The following FOXN3 variants were observed in gnomAD, a reference collection of about 807,000 sequenced individuals.
FOXN3 encodes the protein forkhead box protein N3.
In FOXN3, 7 loss-of-function variants were observed where a neutral mutation model predicts 38.4. The observed-to-expected ratio is 0.18, with a 90% CI of 0.10 to 0.34. The LOEUF (loss-of-function observed/expected upper bound fraction) is 0.34. Among genes scored for constraint, FOXN3 ranks in the 10% least tolerant of loss-of-function variants. The probability of loss-of-function intolerance (pLI) is 1.00; values close to 1 mark genes in which losing one functional copy is unlikely to be tolerated. For synonymous variants in FOXN3, 230 were observed against 242.2 expected, an observed-to-expected ratio of 0.95 and a Z score of 0.47; for missense variants, 456 against 613.4, an observed-to-expected ratio of 0.74 and a Z score of 2.71.
In FOXN3 at chr14:89,171,849, T is replaced by C. The variant is rs539701849; in HGVS notation, c.851+8852A>G. Among the ~76,000 whole-genome samples, 3 of 152,260 alleles carry C rather than the reference T, an allele frequency of 2.0e-5. No homozygotes were observed. The South Asian group carries it at 6.2e-4, about 32-fold the overall frequency. The stretch of plus-strand genomic sequence containing the variant: ...AATAACACAAAGATGCCTGTTATCA[T>C]AACTTCTATTCAGAGGTCCTGGACT... On this transcript the variant is annotated intron_variant, in intron 5 of 5. Transcript: ENST00000557258.
chr14:89,265,833 T>C (rs1031587868), intron 4 of FOXN3, among the ~76,000 whole-genome samples: 4 of 152,182 alleles, frequency 2.6e-5, no homozygotes, highest in African/African-American at 9.7e-5. Flanking sequence ...TCTCGGGGCA[T>C]ACGGTGATGT....
chr14:89,337,230 G>A (rs1190362014), intron 3 of FOXN3, among the ~76,000 whole-genome samples: 1 of 152,204 alleles, frequency 6.6e-6, no homozygotes, highest in East Asian at 1.9e-4. Context: ...GAGAAGGATA[G>A]CATTTGGGTG....
intron 4 of FOXN3, among the ~76,000 whole-genome samples, chr14:89,280,079 C>T (rs1596150007): frequency 6.6e-6 from 1 of 152,204 alleles, no homozygotes; most frequent in South Asian, 2.1e-4. Context: ...AACTCATCCA[C>T]ATTTGGCCAG....
chr14:89,364,186 G>C (rs756954167), intron 2 of FOXN3, among the ~76,000 whole-genome samples: 1 of 149,666 alleles, frequency 6.7e-6, no homozygotes, highest in Non-Finnish European at 1.5e-5. Context: ...TGATTACAAA[G>C]AATTTTTTTC....
chr14:89,332,745 A>G (rs570011204), intron 3 of FOXN3, among the ~76,000 whole-genome samples: 1 of 152,344 alleles, frequency 6.6e-6, no homozygotes, highest in East Asian at 1.9e-4. Context: ...CAAAGGAAAT[A>G]GTCTACAAAA....
At chr14:89,364,353 GTTTTGTTTTTGTTT>G (rs1444429622) in intron 2 of FOXN3, 1 of 149,460 alleles carries the variant, frequency 6.7e-6, no homozygotes, top group African/African-American at 2.5e-5. Context: ...TTGTTTTTTT[GTTTTGTTTTTGTTT>G]TTGTTTTTGT....
At chr14:89,465,480 C>A (rs1459049938) in intron 1 of FOXN3, among the ~76,000 whole-genome samples, 1 of 152,156 alleles carries the variant, frequency 6.6e-6, no homozygotes, top group African/African-American at 2.4e-5. Flanking sequence ...CACCCTCCTC[C>A]CAAAGTGCTG....
intron 1 of FOXN3, among the ~76,000 whole-genome samples, chr14:89,494,850 T>A (rs921229296): frequency 2.6e-5 from 4 of 152,224 alleles, no homozygotes; most frequent in African/African-American, 9.7e-5. Flanking sequence ...GGTATTAAAA[T>A]GAGTGAGTAG....
rs956689164 is a variant in FOXN3, at chr14:89,548,127, T to C, written c.-15+70901A>G. Reference sequence around the variant, plus strand: ...CTTGAGTTGAAATAAAAAATATCTATGTGTTTTTAAACACAGCTTTGGGAC... The same window carrying C: ...CTTGAGTTGAAATAAAAAATATCTACGTGTTTTTAAACACAGCTTTGGGAC... On this transcript the variant is annotated intron_variant, in intron 1 of 6. Transcript: ENST00000345097. The surrounding 1 kb of genome is among the most constrained non-coding windows in gnomAD (Gnocchi z 4.8). Among the ~76,000 whole-genome samples the C allele has an allele frequency of 1.3e-5, 2 of 152,202 alleles. No individual in the cohort carries two copies. The highest frequency in any genetic ancestry group is 4.8e-5 in the African/African-American group (2 of 41,448).
intron 3 of FOXN3, among the ~76,000 whole-genome samples, chr14:89,297,822 A>T (rs973758017): frequency 2.6e-5 from 4 of 152,106 alleles, no homozygotes; most frequent in Admixed American, 2.6e-4. Flanking sequence ...TACAAAAAAA[A>T]AATTTTTTTT....
rs555863458 is a variant in FOXN3, at chr14:89,569,077, T to C, written c.-15+49951A>G. ...AATATTAGCCGGGCGTGGTGGCGGG[T>C]GCCTATAGTCCCAGCTACTCTGGAG... On this transcript the variant is annotated intron_variant, in intron 1 of 6. Transcript: ENST00000345097. Among the ~76,000 whole-genome samples the C allele has an allele frequency of 2.4e-3, 361 of 151,916 alleles. 2 individuals are homozygous for C. Among genetic ancestry groups the C allele is most frequent in the Non-Finnish European group, 3.5e-3 (238 of 67,978 alleles).
At chr14:89,289,380 T>C (rs1232334607) in intron 3 of FOXN3, among the ~76,000 whole-genome samples, 2 of 152,094 alleles carry the variant, frequency 1.3e-5, no homozygotes, top group African/African-American at 2.4e-5. Context: ...AATTAGACTA[T>C]AATAAAACAT....
intron 3 of FOXN3, among the ~76,000 whole-genome samples, chr14:89,311,207 C>T (rs1455624707): frequency 1.4e-5 from 2 of 145,456 alleles, no homozygotes; most frequent in South Asian, 2.2e-4. Flanking sequence ...TAAGGTGTAT[C>T]GGGCCGGTGC....
intron 2 of FOXN3, among the ~76,000 whole-genome samples, chr14:89,384,139 C>A (rs1414034637): frequency 6.6e-6 from 1 of 152,154 alleles, no homozygotes; most frequent in African/African-American, 2.4e-5. Flanking sequence ...AAACAGACTT[C>A]TTCTCTGATG....
intron 4 of FOXN3, among the ~76,000 whole-genome samples, chr14:89,257,938 A>C (rs1885676713): frequency 6.6e-6 from 1 of 152,160 alleles, no homozygotes; most frequent in Non-Finnish European, 1.5e-5. Context: ...CAATGGTGTG[A>C]GCATTTTTAC....
At chr14:89,414,741 C>T (rs573314922) in intron 1 of FOXN3, among the ~76,000 whole-genome samples, 7 of 152,036 alleles carry the variant, frequency 4.6e-5, no homozygotes, top group African/African-American at 1.2e-4. Context: ...TTTAGTAAGA[C>T]GGGGTTTCAC....
intron 1 of FOXN3, among the ~76,000 whole-genome samples, chr14:89,463,823 C>A (rs1364255299): frequency 6.8e-6 from 1 of 147,554 alleles, no homozygotes; most frequent in Non-Finnish European, 1.5e-5. Context: ...GTGCTCTTGT[C>A]ACTCAGACTG....
chr14:89,463,898 C>T (rs1038143260), intron 1 of FOXN3, among the ~76,000 whole-genome samples: 3 of 151,102 alleles, frequency 2.0e-5, no homozygotes, highest in Non-Finnish European at 2.9e-5. Flanking sequence ...GATTCTCCTG[C>T]CTTAGCCTCC....
intron 1 of FOXN3, among the ~76,000 whole-genome samples, chr14:89,444,958 A>C (rs1266578556): frequency 1.4e-5 from 2 of 145,120 alleles, no homozygotes; most frequent in Non-Finnish European, 1.5e-5. Context: ...CCATCTCTAC[A>C]AAAAAAATAC....
Sources: allele counts gnomAD v4.1 joint callset (sites outside exome capture counted in the v4.1 genomes callset), GRCh38; gene constraint gnomAD v4.1.1; non-coding constraint Gnocchi (gnomAD v3.1); transcripts MANE v1.5; gene names NCBI Gene and HGNC (gene_info 2026-07-23, HGNC 2026-07-21).